CAMTA1: variants seen among roughly 807,000 people sequenced by gnomAD.
CAMTA1 encodes the protein calmodulin-binding transcription activator 1.
In CAMTA1, 27 loss-of-function variants were observed where a neutral mutation model predicts 170.9. That is an observed-to-expected ratio of 0.16 (90% confidence interval 0.12 to 0.22). The LOEUF is 0.22. Among genes scored for constraint, CAMTA1 ranks in the 10% least tolerant of loss-of-function variants. The probability of loss-of-function intolerance (pLI) is 1.00; values close to 1 mark genes in which losing one functional copy is unlikely to be tolerated. For synonymous variants in CAMTA1, 833 were observed against 891.5 expected (o/e 0.93, Z 1.17); for missense variants, 1,619 against 2,217.2 (o/e 0.73, Z 5.42).
chr1:7,394,620 A>G (rs2089088517), intron 5 of CAMTA1, among the ~76,000 whole-genome samples: 1 of 151,842 alleles, frequency 6.6e-6, no homozygotes, highest in Non-Finnish European at 1.5e-5. Context: ...GTTTGCAAAT[A>G]TTTTCTCCTA....
At chr1:7,169,730 T>C (rs1238613725) in intron 4 of CAMTA1, among the ~76,000 whole-genome samples, 2 of 152,342 alleles carry the variant, frequency 1.3e-5, no homozygotes, top group East Asian at 1.9e-4. Flanking sequence ...CAGGCTGGTC[T>C]CGAACTCCTG....
intron 4 of CAMTA1, among the ~76,000 whole-genome samples, chr1:7,098,168 G>A (rs1642308962): frequency 6.6e-6 from 1 of 152,188 alleles, no homozygotes; most frequent in South Asian, 2.1e-4. Flanking sequence ...TGCAGGGGGT[G>A]CTGTTGGTGG....
intron 11 of CAMTA1, among the ~76,000 whole-genome samples, chr1:7,707,114 G>A (rs1235710474): frequency 6.6e-6 from 1 of 152,024 alleles, no homozygotes; most frequent in Non-Finnish European, 1.5e-5. Flanking sequence ...TTGAACTCCT[G>A]ACCTTGTGAT....
At chr1:7,331,645 A>G (rs1463058105) in intron 5 of CAMTA1, among the ~76,000 whole-genome samples, 1 of 152,214 alleles carries the variant, frequency 6.6e-6, no homozygotes, top group Non-Finnish European at 1.5e-5. Context: ...CCCCCTGGCC[A>G]TGCTTTGAGA....
chr1:7,668,435 A>ACC (rs113136864), intron 9 of CAMTA1, among the ~76,000 whole-genome samples: 1 of 120,606 alleles, frequency 8.3e-6, no homozygotes, highest in South Asian at 2.6e-4. Flanking sequence ...ACACACACCC[A>ACC]CCACACACCC....
chr1:7,629,153 C>A (rs529763818), intron 6 of CAMTA1, among the ~76,000 whole-genome samples: 6 of 152,364 alleles, frequency 3.9e-5, no homozygotes, highest in Admixed American at 2.0e-4. Flanking sequence ...CACCAACCAA[C>A]AATCTCATCC....
At chr1:7,752,421 G>C in intron 20 of CAMTA1, 38 bp from the exon 21 acceptor site, 1 of 1,590,192 alleles carries the variant, frequency 6.3e-7, no homozygotes, top group Non-Finnish European at 8.6e-7. Flanking sequence ...GGGCTTTACT[G>C]TAACCTTCTT....
chr1:7,451,583 G>A (rs934667092), intron 5 of CAMTA1, among the ~76,000 whole-genome samples: 10 of 152,160 alleles, frequency 6.6e-5, no homozygotes, highest in African/African-American at 1.9e-4. Context: ...TGTCAGGTTG[G>A]GGAGGTGGTG....
intron 4 of CAMTA1, among the ~76,000 whole-genome samples, chr1:7,154,578 G>A (rs1286798432): frequency 6.6e-6 from 1 of 152,220 alleles, no homozygotes; most frequent in Non-Finnish European, 1.5e-5. Flanking sequence ...TGTGTAATCT[G>A]TCCTGTGCGT....
intron 4 of CAMTA1, among the ~76,000 whole-genome samples, chr1:7,132,351 T>G (rs1305262471): frequency 6.6e-6 from 1 of 152,132 alleles, no homozygotes; most frequent in Non-Finnish European, 1.5e-5. Flanking sequence ...CATAGCTCAC[T>G]GCAGCCTTGA....
At chr1:7,335,964 C>T (rs556781699) in intron 5 of CAMTA1, among the ~76,000 whole-genome samples, 38 of 152,268 alleles carry the variant, frequency 2.5e-4, no homozygotes, top group African/African-American at 7.2e-4. Context: ...ATGTAACCAC[C>T]GGCTCATCGA....
intron 11 of CAMTA1, among the ~76,000 whole-genome samples, chr1:7,714,973 A>G (rs1160508829): frequency 6.6e-6 from 1 of 152,160 alleles, no homozygotes; most frequent in Non-Finnish European, 1.5e-5. Context: ...CCCATTTGGG[A>G]CTCACATTTC....
rs150011951 is a variant in CAMTA1, at chr1:7,657,910, C to T, written c.665-3816C>T. Reference sequence around the variant, plus strand: ...GGTCTTCATTTTATAACCTTCACAACATAAGGAGGAGAACAAGAGGCAGAG... The same window carrying T: ...GGTCTTCATTTTATAACCTTCACAATATAAGGAGGAGAACAAGAGGCAGAG... On this transcript the variant is annotated intron_variant, in intron 7 of 22. Transcript: ENST00000303635. Among the ~76,000 whole-genome samples, 81 of 152,318 alleles carry T rather than the reference C, an allele frequency of 5.3e-4. 1 individual carries two copies. In the Middle Eastern group the frequency reaches 0.01, roughly 19 times the overall value.
At chr1:7,240,227 T>C (rs1469182985) in intron 4 of CAMTA1, among the ~76,000 whole-genome samples, 1 of 152,214 alleles carries the variant, frequency 6.6e-6, no homozygotes, top group Non-Finnish European at 1.5e-5. Context: ...GCTGGAGTAC[T>C]TTTATAGAGA....
chr1:7,145,885 G>A (rs1005800343), intron 4 of CAMTA1, among the ~76,000 whole-genome samples: 2 of 152,146 alleles, frequency 1.3e-5, no homozygotes, highest in African/African-American at 2.4e-5. Flanking sequence ...TTTAAAAAAC[G>A]TAATCCTGGG....
chr1:7,310,700 C>CTCTCTCTCTCTTTCTT (rs1361709842), intron 5 of CAMTA1, among the ~76,000 whole-genome samples: 21 of 53,436 alleles, frequency 3.9e-4, no homozygotes, highest in Non-Finnish European at 5.1e-4. Context: ...CTCTCTCTCT[C>CTCTCTCTCTCTTTCTT]TCTTTCTTTC....
chr1:7,602,135 CCTT>C (rs2095451458), intron 6 of CAMTA1, among the ~76,000 whole-genome samples: 1 of 142,390 alleles, frequency 7.0e-6, no homozygotes, highest in Non-Finnish European at 1.5e-5. Flanking sequence ...TTCCTTCCTT[CCTT>C]CCTTCCTCCC....
intron 3 of CAMTA1, among the ~76,000 whole-genome samples, chr1:6,896,589 C>T (rs1675715972): frequency 6.6e-6 from 1 of 152,184 alleles, no homozygotes; most frequent in Non-Finnish European, 1.5e-5. Context: ...CACCTGGCAA[C>T]ATCCAAGCGT....
chr1:7,665,037 C>G lies in CAMTA1; in HGVS notation c.2490C>G (p.Ser830Arg). ...CCTGCTGTAGCCCCCAGCAGGGTAG[C>G]CTGCAGCTGAGCAGCTCGGAGGGCG... ...CLPCCSPQQG[S>R]LQLSSSEGGA... Residue 830 changes from serine to arginine, a missense_variant, in exon 9 of 23, where the codon AGC becomes AGG. Physicochemically the swap from Ser to Arg is moderately radical, Grantham distance 110. This residue lies in a region of CAMTA1 where 731 missense variants were observed against 907.6 expected (regional missense o/e 0.81). Coordinates refer to ENST00000303635, the MANE Select transcript of CAMTA1 (RefSeq NM_015215.4). The surrounding 1 kb of genome is among the most constrained non-coding windows in gnomAD (Gnocchi z 4.3). 1 of 1,585,898 alleles carries G rather than the reference C, an allele frequency of 6.3e-7. No homozygotes were observed. Among genetic ancestry groups the G allele is most frequent in the Non-Finnish European group, 8.6e-7 (1 of 1,165,074 alleles).
Sources: gnomAD v4.1 joint callset for allele counts (sites outside exome capture counted in the v4.1 genomes callset) on GRCh38, gnomAD v4.1.1 for gene constraint, gnomAD v4.1.1 regional missense constraint, Gnocchi (gnomAD v3.1) non-coding constraint, MANE v1.5 for transcripts, NCBI Gene and HGNC (gene_info 2026-07-23, HGNC 2026-07-21) for gene names.